Variants in PCDHA11 observed in about 807,000 individuals in gnomAD.
PCDHA11 encodes protocadherin alpha-11.
A neutral mutation model predicts 70.3 loss-of-function variants in PCDHA11; 61 were observed. The observed-to-expected ratio is 0.87, with a 90% CI of 0.71 to 1.07. The LOEUF (loss-of-function observed/expected upper bound fraction) is 1.07, where lower values mean the gene tolerates loss of function less well. PCDHA11 is among the 50% of genes least tolerant of loss of function. PCDHA11 has a pLI of 0.00. For synonymous variants in PCDHA11, 633 were observed against 555.1 expected (o/e 1.14, Z -1.97); for missense variants, 1,324 against 1,237.5 (o/e 1.07, Z -1.05).
intron 1 of PCDHA11, among the ~76,000 whole-genome samples, chr5:140,960,928 AAGTTT>A (rs2095579865): frequency 6.6e-6 from 1 of 152,184 alleles, no homozygotes; most frequent in South Asian, 2.1e-4. Context: ...AATTGGTACT[AAGTTT>A]AGTGAATTAG....
At chr5:140,875,253 A>C in intron 1 of PCDHA11, 1 of 1,053,108 alleles carries the variant, frequency 9.5e-7, no homozygotes, top group Non-Finnish European at 1.3e-6. Flanking sequence ...AATCAGTCAC[A>C]TGATGTCGCT....
At chr5:140,997,098 C>T (rs1328956245) in intron 3 of PCDHA11, among the ~76,000 whole-genome samples, 12 of 152,128 alleles carry the variant, frequency 7.9e-5, no homozygotes, top group Admixed American at 5.2e-4. Context: ...GCAGAGTTCT[C>T]ATGCACTCCT....
At chr5:141,003,123 T>C (rs1387983867) in intron 3 of PCDHA11, among the ~76,000 whole-genome samples, 1 of 152,240 alleles carries the variant, frequency 6.6e-6, no homozygotes, top group Non-Finnish European at 1.5e-5. Flanking sequence ...GGCCCTTTCC[T>C]GGCATTTGCC....
chr5:140,911,223 G>A (rs1305979222), intron 1 of PCDHA11, among the ~76,000 whole-genome samples: 1 of 152,148 alleles, frequency 6.6e-6, no homozygotes, highest in Non-Finnish European at 1.5e-5. Flanking sequence ...TGAGAAAGCT[G>A]TTTCTTCTGG....
chr5:140,942,901 A>T (rs1361297196), intron 1 of PCDHA11, among the ~76,000 whole-genome samples: 1 of 152,094 alleles, frequency 6.6e-6, no homozygotes, highest in East Asian at 1.9e-4. Context: ...TATCTCTAAG[A>T]ATAAGCGTGA....
intron 1 of PCDHA11, among the ~76,000 whole-genome samples, chr5:140,971,892 G>C (rs2096504766): frequency 6.6e-6 from 1 of 151,694 alleles, no homozygotes; most frequent in African/African-American, 2.4e-5. Context: ...AGCTCAGGGA[G>C]GTTAGGTAAT....
intron 1 of PCDHA11, among the ~76,000 whole-genome samples, chr5:140,900,589 C>T (rs782244593): frequency 1.5e-4 from 23 of 152,164 alleles, no homozygotes; most frequent in South Asian, 1.2e-3. Flanking sequence ...TTTCTTTACC[C>T]GTTCATCTGA....
intron 1 of PCDHA11, chr5:140,969,289 G>C: frequency 6.2e-7 from 1 of 1,614,208 alleles, no homozygotes; most frequent in Non-Finnish European, 8.5e-7. Context: ...AGAATGCTGG[G>C]AACCTGATTA....
At chr5:140,966,710 G>C in intron 1 of PCDHA11, 1 of 1,391,664 alleles carries the variant, frequency 7.2e-7, no homozygotes, top group African/African-American at 1.5e-5. Context: ...GTGGGGCACG[G>C]CTGGGGAAGC....
At chr5:140,872,545 TGAACCCAGGGGTTCAG>T (rs1372003067) in intron 1 of PCDHA11, among the ~76,000 whole-genome samples, 1 of 152,158 alleles carries the variant, frequency 6.6e-6, no homozygotes, top group Non-Finnish European at 1.5e-5. Flanking sequence ...GAGGATCCCC[TGAACCCAGGGGTTCAG>T]GGCTGCAGTG....
Position 140,870,627 on chromosome 5 carries a change from G to A in PCDHA11, c.1524G>A (p.Ser508=), listed in dbSNP as rs782093554. ...ACCGCGCGCTGTCGAGCTACGTGTC[G>A]GTGCACGCGGAGAGCGGCAAGGTGT... ...LGDRALSSYV[S]VHAESGKVYA... is the part of the protein sequence containing the mutation. Residue 508 remains serine, a synonymous_variant, in exon 1 of 4, where the codon TCG becomes TCA. Transcript: ENST00000398640. 17 of 1,612,908 alleles carry A rather than the reference G, an allele frequency of 1.1e-5. No homozygotes were observed. Among genetic ancestry groups the A allele is most frequent in the Middle Eastern group, 1.7e-4 (1 of 5,768 alleles).
intron 1 of PCDHA11, among the ~76,000 whole-genome samples, chr5:140,974,838 A>G (rs1554236389): frequency 6.6e-6 from 1 of 152,134 alleles, no homozygotes; most frequent in Admixed American, 6.5e-5. Context: ...ATTATTTTAA[A>G]TGTTATATTC....
At chr5:140,936,446 C>G (rs1200299868) in intron 1 of PCDHA11, among the ~76,000 whole-genome samples, 1 of 152,164 alleles carries the variant, frequency 6.6e-6, no homozygotes, top group Non-Finnish European at 1.5e-5. Flanking sequence ...TAAATAACCA[C>G]ATCTGTTTAG....
chr5:140,968,262 A>G, intron 1 of PCDHA11: 5 of 1,614,054 alleles, frequency 3.1e-6, no homozygotes, highest in Non-Finnish European at 4.2e-6. Flanking sequence ...CCAGATGAAA[A>G]GGAGAATGCA....
intron 1 of PCDHA11, among the ~76,000 whole-genome samples, chr5:140,900,150 C>T (rs265315): frequency 0.046 from 7,055 of 152,208 alleles, 291 homozygotes; most frequent in African/African-American, 0.11. Context: ...TAAGAACATA[C>T]GATATTTGTC....
At chr5:140,999,638 CTG>C (rs2097866913) in intron 3 of PCDHA11, among the ~76,000 whole-genome samples, 1 of 152,170 alleles carries the variant, frequency 6.6e-6, no homozygotes, top group Non-Finnish European at 1.5e-5. Flanking sequence ...GTAGAGAAAA[CTG>C]TGCAGCCTGA....
intron 1 of PCDHA11, chr5:140,876,963 G>A: frequency 6.2e-7 from 1 of 1,613,068 alleles, no homozygotes; most frequent in Middle Eastern, 1.8e-4. Flanking sequence ...TGGTGGAGCG[G>A]CGGGTGGGCG....
At chr5:140,904,399 T>C (rs1583526237) in intron 1 of PCDHA11, among the ~76,000 whole-genome samples, 1 of 151,316 alleles carries the variant, frequency 6.6e-6, no homozygotes, top group East Asian at 1.9e-4. Flanking sequence ...TTCCATGGTG[T>C]ATTATATATA....
At chr5:140,872,550 C>T (rs1319043831) in intron 1 of PCDHA11, among the ~76,000 whole-genome samples, 1 of 152,046 alleles carries the variant, frequency 6.6e-6, no homozygotes, top group African/African-American at 2.4e-5. Context: ...TCCCCTGAAC[C>T]CAGGGGTTCA....
Sources: gnomAD v4.1 joint callset for allele counts (sites outside exome capture counted in the v4.1 genomes callset) on GRCh38, gnomAD v4.1.1 for gene constraint, MANE v1.5 for transcripts, NCBI Gene and HGNC (gene_info 2026-07-23, HGNC 2026-07-21) for gene names.